The following THRB variants were observed in gnomAD, a reference collection of about 807,000 sequenced individuals.
THRB encodes the protein thyroid hormone receptor beta, also known as nuclear receptor subfamily 1 group A member 2.
Under a neutral mutation model 47.8 loss-of-function variants are expected in THRB, and 12 were observed. That is an observed-to-expected ratio of 0.25 (90% confidence interval 0.16 to 0.41). THRB has a LOEUF of 0.41. Among genes scored for constraint, THRB ranks in the 10% least tolerant of loss-of-function variants. THRB has a pLI of 1.00. For synonymous variants in THRB, 218 were observed against 212.2 expected, an observed-to-expected ratio of 1.03 and a Z score of -0.24; for missense variants, 348 against 589.2, an observed-to-expected ratio of 0.59 and a Z score of 4.24.
At chr3:24,461,548 G>T (rs1374016909) in intron 1 of THRB, among the ~76,000 whole-genome samples, 1 of 152,204 alleles carries the variant, frequency 6.6e-6, no homozygotes. Context: ...ATAAAATAGA[G>T]ATGTGGCTAA....
intron 1 of THRB, among the ~76,000 whole-genome samples, chr3:24,363,817 C>T (rs1411415466): frequency 1.3e-5 from 2 of 152,174 alleles, no homozygotes; most frequent in South Asian, 2.1e-4. Context: ...TCTGTGTATT[C>T]GGCTCGTGGC....
intron 1 of THRB, among the ~76,000 whole-genome samples, chr3:24,477,075 C>T (rs1695578321): frequency 7.3e-6 from 1 of 136,660 alleles, no homozygotes; most frequent in African/African-American, 3.2e-5. Context: ...CCAGGACATA[C>T]ATATAAAGGG....
At chr3:24,170,854 G>A (rs2040337281) in intron 5 of THRB, among the ~76,000 whole-genome samples, 1 of 150,782 alleles carries the variant, frequency 6.6e-6, no homozygotes, top group African/African-American at 2.5e-5. Context: ...AAATCCATGT[G>A]CATTTAAAAA....
chr3:24,420,480 G>A (rs2069138193), intron 1 of THRB, among the ~76,000 whole-genome samples: 1 of 151,832 alleles, frequency 6.6e-6, no homozygotes, highest in Non-Finnish European at 1.5e-5. Flanking sequence ...TTCAACCTCA[G>A]CTATTCTACT....
chr3:24,244,920 GT>G (rs2049955085), intron 3 of THRB, among the ~76,000 whole-genome samples: 2 of 152,220 alleles, frequency 1.3e-5, no homozygotes, highest in African/African-American at 2.4e-5. Flanking sequence ...TTGTTAAGCT[GT>G]GAAGGGGGAA....
chr3:24,313,757 C>T (rs2057918554), intron 2 of THRB, among the ~76,000 whole-genome samples: 1 of 151,912 alleles, frequency 6.6e-6, no homozygotes, highest in African/African-American at 2.4e-5. Flanking sequence ...TCCTTTTCTA[C>T]ACTGTTCATT....
chr3:24,335,547 T>C (rs189986708), intron 2 of THRB, among the ~76,000 whole-genome samples: 15 of 152,290 alleles, frequency 9.8e-5, no homozygotes, highest in African/African-American at 3.6e-4. Context: ...GGAAGTACAA[T>C]TTATATAAAG....
intron 1 of THRB, among the ~76,000 whole-genome samples, chr3:24,428,599 C>T (rs905026010): frequency 6.6e-6 from 1 of 151,946 alleles, no homozygotes; most frequent in Non-Finnish European, 1.5e-5. Context: ...ATCAGGATAA[C>T]ATCAATAAAG....
chr3:24,292,720 T>C (rs1222868258), intron 3 of THRB, among the ~76,000 whole-genome samples: 1 of 152,220 alleles, frequency 6.6e-6, no homozygotes, highest in Non-Finnish European at 1.5e-5. Flanking sequence ...ACTACAGTTC[T>C]AACAGGATAA....
At chr3:24,151,541 A>G (rs1361487782) in intron 6 of THRB, among the ~76,000 whole-genome samples, 2 of 152,246 alleles carry the variant, frequency 1.3e-5, no homozygotes, top group South Asian at 2.1e-4. Context: ...AACAATTTTA[A>G]AAGTCCTTCC....
chr3:24,331,682 T>G (rs906544085), intron 2 of THRB, among the ~76,000 whole-genome samples: 17 of 150,354 alleles, frequency 1.1e-4, no homozygotes, highest in African/African-American at 3.9e-4. Context: ...CCGTGTATGG[T>G]GTGTGTGTGT....
At chr3:24,333,789 T>C (rs2062069845) in intron 2 of THRB, among the ~76,000 whole-genome samples, 1 of 152,258 alleles carries the variant, frequency 6.6e-6, no homozygotes, top group Admixed American at 6.5e-5. Context: ...GGTCCTTTGT[T>C]GGGAAATCAC....
chr3:24,441,247 T>G (rs1012717749), intron 1 of THRB, among the ~76,000 whole-genome samples: 2 of 152,068 alleles, frequency 1.3e-5, no homozygotes, highest in Non-Finnish European at 2.9e-5. Flanking sequence ...AGTCCTATAC[T>G]AAGTAAAGCA....
At chr3:24,246,332 C>G (rs947742669) in intron 3 of THRB, among the ~76,000 whole-genome samples, 1 of 152,110 alleles carries the variant, frequency 6.6e-6, no homozygotes, top group Non-Finnish European at 1.5e-5. Context: ...CATGGGGTTT[C>G]AAGAAAGAAG....
chr3:24,252,115 A>C (rs941228006), intron 3 of THRB, among the ~76,000 whole-genome samples: 4 of 152,154 alleles, frequency 2.6e-5, no homozygotes, highest in Admixed American at 6.5e-5. Context: ...CTTGTTCTTG[A>C]TGACTTAAAA....
At chr3:24,424,331 G>A (rs1188586220) in intron 1 of THRB, among the ~76,000 whole-genome samples, 1 of 151,708 alleles carries the variant, frequency 6.6e-6, no homozygotes, top group Non-Finnish European at 1.5e-5. Flanking sequence ...TGTGGGCTTT[G>A]AAATAATCCC....
Position 24,492,070 on chromosome 3 carries a change from A to G in THRB, c.-261+2582T>C, listed in dbSNP as rs142483126. ...GCAACACACACATACACATGCACAC[A>G]CAGAATAGATCTTGGCATGCCCAAC... On this transcript the variant is annotated intron_variant, in intron 1 of 10. Transcript: ENST00000646209. Among the ~76,000 whole-genome samples the G allele has an allele frequency of 8.7e-3, 1,333 of 152,374 alleles. 26 individuals are homozygous for G. The highest frequency in any genetic ancestry group is 0.029 in the African/African-American group (1,199 of 41,594).
chr3:24,280,661 C>T (rs1576510664), intron 3 of THRB, among the ~76,000 whole-genome samples: 1 of 152,176 alleles, frequency 6.6e-6, no homozygotes, highest in East Asian at 1.9e-4. Context: ...GACATTCAAA[C>T]CAAAGGCAAA....
chr3:24,448,639 T>C (rs2072339685), intron 1 of THRB, among the ~76,000 whole-genome samples: 1 of 152,198 alleles, frequency 6.6e-6, no homozygotes. Flanking sequence ...ACACAACCCA[T>C]TAAGTACCTG....
Sources: allele counts gnomAD v4.1 joint callset (sites outside exome capture counted in the v4.1 genomes callset), GRCh38; gene constraint gnomAD v4.1.1; transcripts MANE v1.5; gene names NCBI Gene and HGNC (gene_info 2026-07-23, HGNC 2026-07-21).